CNTNAP2: variants seen among roughly 807,000 people sequenced by gnomAD.
CNTNAP2 encodes the protein contactin-associated protein-like 2.
CNTNAP2 carries 98 observed loss-of-function variants against 155.2 expected under a neutral mutation model. The observed-to-expected ratio is 0.63, with a 90% CI of 0.54 to 0.75. The LOEUF is 0.75. Among genes scored for constraint, CNTNAP2 ranks in the 30% least tolerant of loss-of-function variants. CNTNAP2 has a pLI of 0.00. For missense variants in CNTNAP2, 1,727 were observed against 1,688.1 expected (o/e 1.02, Z -0.40); for synonymous variants, 651 against 631.2 (o/e 1.03, Z -0.47).
At chr7:147,709,531 G>GA (rs1796372071) in intron 13 of CNTNAP2, among the ~76,000 whole-genome samples, 1 of 152,146 alleles carries the variant, frequency 6.6e-6, no homozygotes, top group South Asian at 2.1e-4. Context: ...AGCTTGGGAA[G>GA]AAAATATGAG....
At chr7:147,733,722 A>G (rs1796787181) in intron 13 of CNTNAP2, among the ~76,000 whole-genome samples, 1 of 152,138 alleles carries the variant, frequency 6.6e-6, no homozygotes, top group Non-Finnish European at 1.5e-5. Context: ...TTCTCCTTGA[A>G]GAGGTCCTTC....
At chr7:146,926,496 T>C (rs934084934) in intron 3 of CNTNAP2, among the ~76,000 whole-genome samples, 1 of 152,110 alleles carries the variant, frequency 6.6e-6, no homozygotes, top group East Asian at 1.9e-4. Context: ...TGAGCACTTA[T>C]CGTGATGCCT....
At chr7:148,042,890 G>T (rs895500455) in intron 15 of CNTNAP2, among the ~76,000 whole-genome samples, 17 of 152,152 alleles carry the variant, frequency 1.1e-4, no homozygotes, top group Non-Finnish European at 1.9e-4. Context: ...TTTAAACCAA[G>T]AACAGTCTCA....
At chr7:146,671,546 C>T (rs898280207) in intron 1 of CNTNAP2, among the ~76,000 whole-genome samples, 15 of 151,988 alleles carry the variant, frequency 9.9e-5, no homozygotes, top group African/African-American at 2.7e-4. Context: ...CCACTAGTTA[C>T]GCAGAGAATG....
intron 14 of CNTNAP2, among the ~76,000 whole-genome samples, chr7:147,923,161 T>G (rs1800316478): frequency 6.6e-6 from 1 of 152,164 alleles, no homozygotes; most frequent in Admixed American, 6.5e-5. Context: ...CCTTTCCCAG[T>G]GTTAACAGTT....
chr7:146,745,764 GA>G (rs112857634), intron 1 of CNTNAP2, among the ~76,000 whole-genome samples: 7,416 of 96,856 alleles, frequency 0.077, 490 homozygotes, highest in African/African-American at 0.21. Context: ...GACTCCATCT[GA>G]AAAAAAAAAA....
chr7:147,345,723 G>C (rs1014817082), intron 9 of CNTNAP2, among the ~76,000 whole-genome samples: 1 of 152,060 alleles, frequency 6.6e-6, no homozygotes, highest in Non-Finnish European at 1.5e-5. Flanking sequence ...GCTTTCTACT[G>C]TTTTCTTTTT....
intron 9 of CNTNAP2, among the ~76,000 whole-genome samples, chr7:147,311,053 A>G (rs554705360): frequency 6.6e-6 from 1 of 152,310 alleles, no homozygotes; most frequent in East Asian, 1.9e-4. Context: ...GTCAGGTATC[A>G]AGGATGATGA....
chr7:146,967,841 A>C (rs1797689277), intron 3 of CNTNAP2, among the ~76,000 whole-genome samples: 1 of 151,932 alleles, frequency 6.6e-6, no homozygotes, highest in South Asian at 2.1e-4. Context: ...AACTTCCAAC[A>C]CTATGTTGAA....
intron 1 of CNTNAP2, among the ~76,000 whole-genome samples, chr7:146,678,098 G>GT (rs1366094395): frequency 1.3e-5 from 2 of 152,054 alleles, no homozygotes; most frequent in Non-Finnish European, 2.9e-5. Flanking sequence ...GACTTGCTCT[G>GT]TCACCCAGGC....
chr7:147,779,400 G>A (rs968566976), intron 13 of CNTNAP2, among the ~76,000 whole-genome samples: 12 of 152,106 alleles, frequency 7.9e-5, no homozygotes, highest in Admixed American at 5.2e-4. Flanking sequence ...CATGTTGGTC[G>A]TAATGTTTAT....
intron 8 of CNTNAP2, among the ~76,000 whole-genome samples, chr7:147,285,431 T>C (rs1016164058): frequency 6.6e-6 from 1 of 151,988 alleles, no homozygotes; most frequent in South Asian, 2.1e-4. Context: ...ATAGAATTAA[T>C]CATACATACT....
intron 1 of CNTNAP2, among the ~76,000 whole-genome samples, chr7:146,271,624 A>G (rs1158190170): frequency 6.6e-6 from 1 of 151,802 alleles, no homozygotes; most frequent in Admixed American, 6.6e-5. Context: ...TTTAGTTTTC[A>G]AATATTTTTA....
At chr7:147,707,095 T>G (rs1296430028) in intron 13 of CNTNAP2, among the ~76,000 whole-genome samples, 1 of 152,198 alleles carries the variant, frequency 6.6e-6, no homozygotes, top group East Asian at 1.9e-4. Context: ...ATATCAATAT[T>G]TTGAATTCTT....
intron 1 of CNTNAP2, among the ~76,000 whole-genome samples, chr7:146,400,345 A>G (rs1795696347): frequency 6.6e-6 from 1 of 152,150 alleles, no homozygotes; most frequent in Non-Finnish European, 1.5e-5. Context: ...CCTGGTAGGT[A>G]TTGTTCTCGA....
At chr7:148,400,329 G>T (rs1000426994) in intron 22 of CNTNAP2, among the ~76,000 whole-genome samples, 5 of 152,152 alleles carry the variant, frequency 3.3e-5, no homozygotes, top group Non-Finnish European at 7.3e-5. Flanking sequence ...CCTTCAGACC[G>T]GGGTTTAAAT....
chr7:146,593,683 C>A (rs570614213), intron 1 of CNTNAP2, among the ~76,000 whole-genome samples: 1 of 152,238 alleles, frequency 6.6e-6, no homozygotes, highest in South Asian at 2.1e-4. Flanking sequence ...ACCTCTGTAT[C>A]TCTGCTCATG....
chr7:147,862,769 A>G (rs1043915045), intron 13 of CNTNAP2, among the ~76,000 whole-genome samples: 8 of 152,140 alleles, frequency 5.3e-5, no homozygotes, highest in African/African-American at 1.4e-4. Flanking sequence ...TATTACTGTC[A>G]TTTGGAGTAT....
In CNTNAP2 at chr7:146,970,664, G is replaced by A. The variant is rs1253147938; in HGVS notation, c.403-73243G>A. Among the ~76,000 whole-genome samples the A allele has an allele frequency of 3.9e-5, 6 of 152,130 alleles. No individual in the cohort carries two copies. In the South Asian group the frequency reaches 1.2e-3, roughly 32 times the overall value. ...GGAAGTCAGTGTGGCGATTCCTCAG[G>A]GATCTAGAACTAGAAATACCATTTG... On this transcript the variant is annotated intron_variant, in intron 3 of 23. Coordinates refer to ENST00000361727, the MANE Select transcript of CNTNAP2 (RefSeq NM_014141.6).
Sources: allele counts gnomAD v4.1 joint callset (sites outside exome capture counted in the v4.1 genomes callset), GRCh38; gene constraint gnomAD v4.1.1; transcripts MANE v1.5; gene names NCBI Gene and HGNC (gene_info 2026-07-23, HGNC 2026-07-21).